Variants in NOD1 observed in about 807,000 individuals in gnomAD.
The protein encoded by NOD1 is nucleotide-binding oligomerization domain-containing protein 1.
A neutral mutation model predicts 81.2 loss-of-function variants in NOD1; 70 were observed. The observed-to-expected ratio is 0.86, with a 90% CI of 0.71 to 1.05. The LOEUF (loss-of-function observed/expected upper bound fraction) is 1.05, where lower values mean the gene tolerates loss of function less well. Ranked by LOEUF, NOD1 falls within the 50% of genes least tolerant of loss-of-function variation. NOD1 has a pLI of 0.00. For missense variants in NOD1, 1,233 were observed against 1,228.0 expected, an observed-to-expected ratio of 1.00 and a Z score of -0.06; for synonymous variants, 508 against 526.9, an observed-to-expected ratio of 0.96 and a Z score of 0.49.
chr7:30,456,798 C>G lies in NOD1; in HGVS notation c.124G>C (p.Asp42His). The G allele has an allele frequency of 6.2e-7, 1 of 1,614,202 alleles. No individual in the cohort carries two copies. The highest frequency in any genetic ancestry group is 8.5e-7 in the Non-Finnish European group (1 of 1,180,042). Residue 42 changes from aspartate (D) to histidine (H), a missense_variant, in exon 4 of 14, where the codon GAC becomes CAC. By Grantham distance (81) the Asp-to-His change is moderately conservative. Transcript: ENST00000222823. ...THIRNTQCLVDNLLKNDYFSA... is the reference protein window; with the variant it reads ...THIRNTQCLVHNLLKNDYFSA... ...AAGTAGTCATTCTTCAGCAAGTTGT[C>G]CACCAGACACTGAGTATTGCGGATG... is the stretch of plus-strand genomic sequence containing the variant.
intron 9 of NOD1, among the ~76,000 whole-genome samples, chr7:30,445,278 TAAAAAA>T (rs55875433): frequency 1.4e-5 from 1 of 69,176 alleles, no homozygotes; most frequent in African/African-American, 7.0e-5. Context: ...AAAAAGAATC[TAAAAAA>T]AAAAAAAAAA....
In NOD1 at chr7:30,452,375, G is replaced by A. The variant is rs775677484; in HGVS notation, c.1042C>T (p.Leu348Phe). The A allele has an allele frequency of 5.0e-6, 8 of 1,613,334 alleles. No homozygotes were observed. The South Asian group carries it at 8.8e-5, about 18-fold the overall frequency. The change falls in exon 6 of 14, where the codon CTT becomes TTT. Residue 348 changes from leucine (L) to phenylalanine (F), a missense_variant. Coordinates refer to ENST00000222823, the MANE Select transcript of NOD1 (RefSeq NM_006092.4). ...VPRQFLRKKV[L>F]LRGFSPSHLR... ...TGGCTGGGGGAGAAGCCCCGGAGAA[G>A]CACCTTCTTCCGCAGGAACTGGCGC...
Position 30,425,086 on chromosome 7 carries a change from G to A in NOD1, c.*552C>T, listed in dbSNP as rs1422017090. 6.5e-6 allele frequency: 1 copy of A among 153,790 alleles called. No individual in the cohort carries two copies. The highest frequency in any genetic ancestry group is 1.4e-5 in the Non-Finnish European group (1 of 69,172). The allele number at this position is 153,790 out of a possible 1,614,324, so 9.5% of individuals were successfully genotyped here. ...CCTTGGAGGAGTCAAATCCCACACT[G>A]CACATACTCCGGTGTCTCCAGCTGT... On this transcript the variant is annotated 3_prime_UTR_variant, in exon 14 of 14. Transcript: ENST00000222823.
intron 13 of NOD1, among the ~76,000 whole-genome samples, chr7:30,427,756 G>A (rs1294798499): frequency 6.6e-6 from 1 of 152,232 alleles, no homozygotes; most frequent in East Asian, 1.9e-4. Flanking sequence ...GGGAAGCAAT[G>A]CAGATTTTGA....
In NOD1 at chr7:30,452,852, C is replaced by T. The variant is rs141934741; in HGVS notation, c.565G>A (p.Gly189Ser). The change falls in exon 6 of 14, where the codon GGC (glycine) becomes AGC (serine). Residue 189 changes from glycine (G) to serine (S), a missense_variant. Transcript: ENST00000222823. ...SLACLLDHTT[G>S]ILNEQGETIF... ...GTCTCACCCTGCTCATTGAGGATGC[C>T]GGTGGTGTGGTCCAGGAGGCAGGCC... 1.4e-4 allele frequency: 231 copies of T among 1,614,094 alleles called. No individual in the cohort carries two copies. The African/African-American group carries it at 2.7e-3, about 19-fold the overall frequency.
At chr7:30,471,663 G>A (rs991225248) in intron 1 of NOD1, among the ~76,000 whole-genome samples, 2 of 152,250 alleles carry the variant, frequency 1.3e-5, no homozygotes, top group African/African-American at 4.8e-5. Flanking sequence ...GAACAGACTA[G>A]CGTGAAAAAC....
intron 3 of NOD1, among the ~76,000 whole-genome samples, chr7:30,457,810 C>T (rs1423185547): frequency 8.6e-5 from 13 of 151,910 alleles, no homozygotes; most frequent in Non-Finnish European, 7.4e-5. Flanking sequence ...CTGTGGTAGC[C>T]AGAGGCAAGG....
intron 4 of NOD1, among the ~76,000 whole-genome samples, chr7:30,455,601 T>TTC (rs1786273512): frequency 6.6e-6 from 1 of 151,404 alleles, no homozygotes; most frequent in East Asian, 1.9e-4. Flanking sequence ...TTTTTTTTTT[T>TTC]TTTCTTTTTT....
rs199476271 is a variant in NOD1 at position 30,437,772 on chromosome 7, C to G, written c.2454-116G>C. On this transcript the variant is annotated intron_variant, in intron 9 of 13. Transcript: ENST00000222823. ...CTACTCAACAGGCAGATGTTTGTGC[C>G]CAGTCCCTGGATCTGTGGCCTGGAC... is the stretch of plus-strand genomic sequence containing the variant. 6.0e-6 allele frequency: 4 copies of G among 671,078 alleles called. No homozygotes were observed. In the East Asian group the frequency reaches 1.0e-4, roughly 17 times the overall value. 41.6% of individuals were successfully genotyped at this position (671,078 alleles called of 1,614,324 possible). A position where few individuals can be genotyped will look rare whatever the true frequency, so the allele number is the denominator to read the frequency against.
intron 12 of NOD1, 144 bp downstream of exon 12, chr7:30,432,951 GT>G: frequency 1.6e-6 from 1 of 644,534 alleles, no homozygotes. Context: ...GAGTGAAAAT[GT>G]TCTAGAATTA....
At chr7:30,456,537 A>G (rs1786391152) in intron 4 of NOD1, among the ~76,000 whole-genome samples, 184 bp downstream of exon 4, 2 of 152,222 alleles carry the variant, frequency 1.3e-5, no homozygotes, top group African/African-American at 2.4e-5. Flanking sequence ...AGACACAAAC[A>G]CAGAAGTAAA....
chr7:30,461,560 C>T (rs955873240), intron 1 of NOD1, among the ~76,000 whole-genome samples: 6 of 152,172 alleles, frequency 3.9e-5, no homozygotes, highest in African/African-American at 9.7e-5. Flanking sequence ...GTGTTTTAAT[C>T]GCACATCTCA....
chr7:30,434,552 G>A (rs1339838020), intron 11 of NOD1, among the ~76,000 whole-genome samples: 3 of 152,198 alleles, frequency 2.0e-5, no homozygotes, highest in Non-Finnish European at 4.4e-5. Flanking sequence ...TAGAGCCACT[G>A]CTTGAATGCT....
intron 5 of NOD1, 121 bp from the exon 6 acceptor site, chr7:30,453,161 T>G: frequency 5.8e-5 from 58 of 1,003,084 alleles, no homozygotes; most frequent in Middle Eastern, 3.3e-4. Flanking sequence ...ACCTGGGCCC[T>G]GAGGCCAGCG....
chr7:30,439,739 T>G (rs1212592084), intron 9 of NOD1, among the ~76,000 whole-genome samples: 1 of 78,862 alleles, frequency 1.3e-5, no homozygotes, highest in Non-Finnish European at 2.4e-5. Flanking sequence ...AAGCTCGAAC[T>G]GGGTGGAGCC....
chr7:30,446,335 C>T, intron 8 of NOD1, 111 bp from the exon 9 acceptor site: 1 of 828,440 alleles, frequency 1.2e-6, no homozygotes. Flanking sequence ...GAACCGTACA[C>T]TTTCTTCTGG....
Position 30,452,987 on chromosome 7 carries a change from C to G in NOD1, c.430G>C (p.Val144Leu). Reference protein sequence around the residue: ...RHHLGRDSKFVLCYAQKEELL... With the variant: ...RHHLGRDSKFLLCYAQKEELL... ...TCCTCCTTCTGGGCATAGCACAGCACGAACTTGGAGTCACGGCCCAGATGG... is the reference window on the plus strand; with the variant it reads ...TCCTCCTTCTGGGCATAGCACAGCAGGAACTTGGAGTCACGGCCCAGATGG... Residue 144 changes from valine to leucine, a missense_variant, in exon 6 of 14, where the codon GTG becomes CTG. Transcript: ENST00000222823. 6.2e-7 allele frequency: 1 copy of G among 1,613,866 alleles called. No individual in the cohort carries two copies. Among genetic ancestry groups the G allele is most frequent in the Non-Finnish European group, 8.5e-7 (1 of 1,180,002 alleles).
At chr7:30,468,090 T>C (rs1787895367) in intron 1 of NOD1, among the ~76,000 whole-genome samples, 1 of 152,090 alleles carries the variant, frequency 6.6e-6, no homozygotes, top group African/African-American at 2.4e-5. Flanking sequence ...AAGTGAAAAA[T>C]AATCAGTCCC....
intron 13 of NOD1, chr7:30,428,717 G>A (rs1783680859): frequency 2.0e-5 from 3 of 151,962 alleles, no homozygotes; most frequent in Admixed American, 6.6e-5. Flanking sequence ...ATGAAAGGAG[G>A]ACATAGTTAA....
Sources: allele counts gnomAD v4.1 joint callset (sites outside exome capture counted in the v4.1 genomes callset), GRCh38; gene constraint gnomAD v4.1.1; transcripts MANE v1.5; gene names NCBI Gene and HGNC (gene_info 2026-07-23, HGNC 2026-07-21).